The following CDH13 variants were observed in gnomAD, a reference collection of about 807,000 sequenced individuals.
The protein encoded by CDH13 is cadherin 13.
Under a neutral mutation model 63.8 loss-of-function variants are expected in CDH13, and 24 were observed. The observed-to-expected ratio is 0.38, with a 90% CI of 0.27 to 0.53. CDH13 has a LOEUF of 0.53. CDH13 is among the 20% of genes least tolerant of loss of function. The pLI is 0.85. For missense variants in CDH13, 1,049 were observed against 903.1 expected (o/e 1.16, Z -2.07); for synonymous variants, 503 against 355.3 (o/e 1.42, Z -4.67).
chr16:83,223,843 T>C (rs945616065), intron 5 of CDH13, among the ~76,000 whole-genome samples: 6 of 152,206 alleles, frequency 3.9e-5, no homozygotes, highest in Non-Finnish European at 5.9e-5. Context: ...GTGCAATTTT[T>C]TTAATTCCAT....
chr16:82,747,592 C>G (rs560200900), intron 1 of CDH13, among the ~76,000 whole-genome samples: 2 of 152,168 alleles, frequency 1.3e-5, no homozygotes, highest in South Asian at 2.1e-4. Flanking sequence ...GAGAATGGCA[C>G]TACTGTTTAA....
chr16:82,871,213 G>A (rs574386516), intron 2 of CDH13, among the ~76,000 whole-genome samples: 15 of 152,202 alleles, frequency 9.9e-5, no homozygotes, highest in Non-Finnish European at 2.2e-4. Context: ...TCTGTTTTCA[G>A]TGTTTTGAAT....
At chr16:82,843,489 T>C (rs1281954452) in intron 1 of CDH13, among the ~76,000 whole-genome samples, 1 of 152,240 alleles carries the variant, frequency 6.6e-6, no homozygotes. Context: ...CTGCTTAACA[T>C]AATCAGTTCC....
At chr16:82,975,887 G>T (rs1452367456) in intron 2 of CDH13, among the ~76,000 whole-genome samples, 1 of 152,130 alleles carries the variant, frequency 6.6e-6, no homozygotes, top group African/African-American at 2.4e-5. Context: ...GCATAATGCA[G>T]TTGAATACAA....
Position 82,672,768 on chromosome 16 carries a change from T to TACACACAC in CDH13, c.45+45657_45+45664dup, listed in dbSNP as rs58819198. Among the ~76,000 whole-genome samples, 450 of 144,662 alleles carry TACACACAC rather than the reference T, an allele frequency of 3.1e-3. 6 individuals carry two copies. Among genetic ancestry groups the TACACACAC allele is most frequent in the Admixed American group, 0.011 (158 of 14,468 alleles). The allele number at this position is 144,662 out of a possible 152,430, so 94.9% of individuals were successfully genotyped here. A position where few individuals can be genotyped will look rare whatever the true frequency, so the allele number is the denominator to read the frequency against. ...CTTTAAGAAAGGAAATATATATGTGTACACACACACACACACACACACACA... is the reference window on the plus strand; with the variant it reads ...CTTTAAGAAAGGAAATATATATGTGTACACACACACACACACACACACACACACACACA... On this transcript the variant is annotated intron_variant, in intron 1 of 13. Transcript: ENST00000567109.
chr16:82,806,196 T>G (rs1036641763), intron 1 of CDH13, among the ~76,000 whole-genome samples: 3 of 152,210 alleles, frequency 2.0e-5, no homozygotes, highest in African/African-American at 4.8e-5. Context: ...GAACTGGGCT[T>G]GGAGATGCAG....
intron 3 of CDH13, among the ~76,000 whole-genome samples, chr16:83,095,485 A>C (rs1413393511): frequency 2.0e-5 from 3 of 152,224 alleles, no homozygotes; most frequent in Admixed American, 2.0e-4. Context: ...GCTTTTGGAC[A>C]CTGGTATATC....
intron 6 of CDH13, among the ~76,000 whole-genome samples, chr16:83,404,695 A>G (rs1597942408): frequency 6.6e-6 from 1 of 152,212 alleles, no homozygotes; most frequent in South Asian, 2.1e-4. Context: ...CTTCCTCGGT[A>G]CCCTTCCCCA....
At chr16:83,643,608 A>G (rs1157467481) in intron 8 of CDH13, among the ~76,000 whole-genome samples, 2 of 152,044 alleles carry the variant, frequency 1.3e-5, no homozygotes, top group Admixed American at 1.3e-4. Flanking sequence ...CCTTCAGCTT[A>G]TGCTACCTGC....
chr16:83,384,193 C>G (rs2091626989), intron 6 of CDH13, among the ~76,000 whole-genome samples: 1 of 152,150 alleles, frequency 6.6e-6, no homozygotes, highest in Non-Finnish European at 1.5e-5. Context: ...TCAATACCTT[C>G]TGCAACAGTG....
At chr16:83,673,214 C>T (rs1190620095) in intron 9 of CDH13, among the ~76,000 whole-genome samples, 2 of 152,194 alleles carry the variant, frequency 1.3e-5, no homozygotes, top group Non-Finnish European at 2.9e-5. Context: ...CTAATCCATA[C>T]GAATACTGAC....
intron 8 of CDH13, among the ~76,000 whole-genome samples, chr16:83,605,670 T>C (rs1908260317): frequency 6.6e-6 from 1 of 152,144 alleles, no homozygotes; most frequent in Non-Finnish European, 1.5e-5. Flanking sequence ...CTGATGAGGA[T>C]GGTGGGAGGA....
intron 6 of CDH13, among the ~76,000 whole-genome samples, chr16:83,394,029 G>A (rs191227589): frequency 6.6e-6 from 1 of 152,250 alleles, no homozygotes; most frequent in African/African-American, 2.4e-5. Context: ...TCTCGTAAGT[G>A]GGAGCTAAAT....
chr16:83,398,519 A>T (rs1172491429), intron 6 of CDH13, among the ~76,000 whole-genome samples: 3 of 152,140 alleles, frequency 2.0e-5, no homozygotes, highest in South Asian at 2.1e-4. Flanking sequence ...TCTTCATTAC[A>T]TCTGCAAAGA....
intron 6 of CDH13, among the ~76,000 whole-genome samples, chr16:83,375,521 CAA>C (rs1216365155): frequency 1.3e-5 from 2 of 152,144 alleles, no homozygotes; most frequent in African/African-American, 4.8e-5. Flanking sequence ...ATAAGTAAGA[CAA>C]AATCAGATCT....
intron 2 of CDH13, among the ~76,000 whole-genome samples, chr16:82,911,431 G>C (rs1259493366): frequency 6.6e-6 from 1 of 152,062 alleles, no homozygotes; most frequent in African/African-American, 2.4e-5. Flanking sequence ...TCCCTGTTTA[G>C]GAAAAAGTGA....
In CDH13 at chr16:83,118,146, G is replaced by A. The variant is rs535459719; in HGVS notation, c.367-7239G>A. ...CTAAAGATGCTGCGGATCACTGTCC[G>A]GAGACTGCTGTGGGGGGAATCCCAC... On this transcript the variant is annotated intron_variant, in intron 3 of 13. Coordinates refer to ENST00000567109, the MANE Select transcript of CDH13 (RefSeq NM_001257.5). Among the ~76,000 whole-genome samples, 5 of 152,234 alleles carry A rather than the reference G, an allele frequency of 3.3e-5. No individual in the cohort carries two copies. In the East Asian group the frequency reaches 5.8e-4, roughly 18 times the overall value.
At chr16:83,617,173 C>G (rs1225169762) in intron 8 of CDH13, among the ~76,000 whole-genome samples, 1 of 152,202 alleles carries the variant, frequency 6.6e-6, no homozygotes, top group Non-Finnish European at 1.5e-5. Flanking sequence ...TCATCTCCGC[C>G]TCTAGGGCCA....
At position 83,443,114 on chromosome 16, in the gene CDH13, C is replaced by G. The variant is rs11149569; in HGVS notation, c.782-43363C>G. Among the ~76,000 whole-genome samples, 1,084 of 152,206 alleles carry G rather than the reference C, an allele frequency of 7.1e-3. 17 individuals are homozygous for G. The highest frequency in any genetic ancestry group is 0.024 in the African/African-American group (998 of 41,504). On this transcript the variant is annotated intron_variant, in intron 6 of 13. Coordinates refer to ENST00000567109, the MANE Select transcript of CDH13 (RefSeq NM_001257.5). ...AGACTGAAGTTTGCAACTGAAAAAT[C>G]GCTCAGAAAATACTTATCACCTTCC...
Sources: allele counts gnomAD v4.1 joint callset (sites outside exome capture counted in the v4.1 genomes callset), GRCh38; gene constraint gnomAD v4.1.1; transcripts MANE v1.5; gene names NCBI Gene and HGNC (gene_info 2026-07-23, HGNC 2026-07-21).